Variants in APP observed in about 807,000 individuals in gnomAD.
The protein encoded by APP is amyloid beta precursor protein.
APP carries 31 observed loss-of-function variants against 101.4 expected under a neutral mutation model. The observed-to-expected ratio is 0.31, with a 90% CI of 0.23 to 0.41. The LOEUF is 0.41. Among genes scored for constraint, APP ranks in the 10% least tolerant of loss-of-function variants. The pLI is 1.00. For synonymous variants in APP, 366 were observed against 364.4 expected (o/e 1.00, Z -0.05); for missense variants, 839 against 1,003.7 (o/e 0.84, Z 2.22).
Position 26,000,152 on chromosome 21 carries a change from G to GGCCCC in APP, c.891_895dup (p.Pro299ArgfsTer7). 6.2e-7 allele frequency: 1 copy of GGCCCC among 1,614,196 alleles called. No homozygotes were observed. Among genetic ancestry groups the GGCCCC allele is most frequent in the Non-Finnish European group, 8.5e-7 (1 of 1,180,038 alleles). On this transcript the variant is annotated frameshift_variant, in exon 7 of 18. Transcript: ENST00000346798. LOFTEE classifies it high-confidence loss of function. ...CCAGCGGGAGATCATTGCTCGGCAC[G>GGCCCC]GCCCCGTCTCGGCTTGTTCAGAGCA...
chr21:25,950,147 T>C (rs919933336), intron 13 of APP, among the ~76,000 whole-genome samples: 2 of 152,276 alleles, frequency 1.3e-5, no homozygotes, highest in Non-Finnish European at 2.9e-5. Context: ...GCCACATCTC[T>C]ATATGGCGGT....
intron 1 of APP, among the ~76,000 whole-genome samples, chr21:26,136,137 G>A (rs416524): frequency 0.5 from 46,259 of 93,430 alleles, 13,927 homozygotes; most frequent in African/African-American, 0.79. Context: ...TCTCAAAAAA[G>A]AAAAAAGAAA....
At chr21:26,029,365 CA>C (rs1428545640) in intron 5 of APP, among the ~76,000 whole-genome samples, 9 of 152,024 alleles carry the variant, frequency 5.9e-5, no homozygotes, top group African/African-American at 2.2e-4. Context: ...GGCAAGTAGC[CA>C]AAGGCCAGAC....
At chr21:25,924,409 T>TAAAA (rs1569061649) in intron 13 of APP, among the ~76,000 whole-genome samples, 1 of 11,988 alleles carries the variant, frequency 8.3e-5, no homozygotes, top group Non-Finnish European at 1.9e-4. Context: ...AATTTGCAAA[T>TAAAA]ACAAAAAAAA....
chr21:26,160,585 T>C (rs1315495757), intron 1 of APP, among the ~76,000 whole-genome samples: 2 of 152,146 alleles, frequency 1.3e-5, no homozygotes, highest in Non-Finnish European at 2.9e-5. Context: ...ACAGAGGTAA[T>C]AGAATTCAAT....
At chr21:26,101,387 G>A (rs577239959) in intron 2 of APP, among the ~76,000 whole-genome samples, 2 of 152,218 alleles carry the variant, frequency 1.3e-5, no homozygotes, top group Admixed American at 1.3e-4. Context: ...GTGAGCCATG[G>A]CACCCGGCCC....
intron 3 of APP, among the ~76,000 whole-genome samples, chr21:26,064,726 C>T (rs1299370679): frequency 6.6e-6 from 1 of 152,200 alleles, no homozygotes; most frequent in East Asian, 1.9e-4. Flanking sequence ...AACAAAGGGT[C>T]TCAATCCCCG....
intron 7 of APP, among the ~76,000 whole-genome samples, chr21:25,998,163 A>T (rs1203583962): frequency 1.3e-5 from 2 of 152,152 alleles, no homozygotes; most frequent in African/African-American, 2.4e-5. Flanking sequence ...TATTTCAGAA[A>T]ATGAATCCAC....
intron 13 of APP, among the ~76,000 whole-genome samples, chr21:25,918,828 T>G (rs1243075478): frequency 6.7e-6 from 1 of 149,794 alleles, no homozygotes; most frequent in Non-Finnish European, 1.5e-5. Flanking sequence ...TTGCCCAGGC[T>G]TGCTTAGGTA....
chr21:26,137,566 C>G (rs1011484177), intron 1 of APP, among the ~76,000 whole-genome samples: 3 of 152,038 alleles, frequency 2.0e-5, no homozygotes, highest in African/African-American at 7.2e-5. Flanking sequence ...GAAACAAGAC[C>G]AGAGAGCTCT....
rs186506942 is a variant in APP at position 26,094,166 on chromosome 21, T to C, written c.226-4094A>G. 1.6e-3 allele frequency among the ~76,000 whole-genome samples: 247 copies of C among 152,244 alleles called. 1 individual carries two copies. The highest frequency in any genetic ancestry group is 5.5e-3 in the African/African-American group (230 of 41,546). On this transcript the variant is annotated intron_variant, in intron 2 of 17. Coordinates refer to ENST00000346798, the MANE Select transcript of APP (RefSeq NM_000484.4). ...CACATAAAGCCCATGCATAGTTTTT[T>C]CCTACTGTCCTATTAAAATGGAAGC... is the stretch of plus-strand genomic sequence containing the variant.
chr21:26,154,346 A>G (rs886758467), intron 1 of APP, among the ~76,000 whole-genome samples: 1 of 152,186 alleles, frequency 6.6e-6, no homozygotes, highest in African/African-American at 2.4e-5. Flanking sequence ...TGGGCATCTG[A>G]CATTTCAGGG....
Position 25,954,593 on chromosome 21 carries a change from C to A in APP, c.1684G>T (p.Val562Phe). ...PAVAEEIQDEVDELLQKEQNY... is the reference protein window; with the variant it reads ...PAVAEEIQDEFDELLQKEQNY... ...ATCAAAAGAACAGCTTACTTACCAA[C>A]TTCATCCTGAATCTCCTCGGCCACT... Residue 562 changes from valine to phenylalanine, a missense_variant, in exon 13 of 18, where the codon GTT (valine) becomes TTT (phenylalanine). By Grantham distance (50) the Val-to-Phe change is conservative. Transcript: ENST00000346798. 6.2e-7 allele frequency: 1 copy of A among 1,612,780 alleles called. No homozygotes were observed. The highest frequency in any genetic ancestry group is 1.1e-5 in the South Asian group (1 of 90,976).
At chr21:26,051,951 G>A (rs568627422) in intron 4 of APP, among the ~76,000 whole-genome samples, 13 of 152,262 alleles carry the variant, frequency 8.5e-5, no homozygotes, top group African/African-American at 2.4e-4. Flanking sequence ...TGAAAACACA[G>A]AAGGAATAAA....
intron 6 of APP, among the ~76,000 whole-genome samples, chr21:26,011,368 G>T (rs765098856): frequency 1.3e-5 from 2 of 152,028 alleles, no homozygotes; most frequent in African/African-American, 4.8e-5. Context: ...GAGCCACCAC[G>T]CCTGGGCTTC....
At chr21:26,098,879 G>A (rs1300153880) in intron 2 of APP, among the ~76,000 whole-genome samples, 1 of 152,102 alleles carries the variant, frequency 6.6e-6, no homozygotes, top group Non-Finnish European at 1.5e-5. Flanking sequence ...TAATTTACAG[G>A]TCACTGAAAG....
intron 13 of APP, among the ~76,000 whole-genome samples, chr21:25,916,822 C>T (rs1326418104): frequency 1.3e-5 from 2 of 152,128 alleles, no homozygotes; most frequent in African/African-American, 4.8e-5. Flanking sequence ...TCTATAATAT[C>T]CAAGCATTTG....
chr21:26,142,051 A>T (rs933613155), intron 1 of APP, among the ~76,000 whole-genome samples: 1 of 152,206 alleles, frequency 6.6e-6, no homozygotes, highest in South Asian at 2.1e-4. Context: ...AAGATGGAAG[A>T]ATAGGAAACA....
chr21:26,101,287 C>T (rs1176944888), intron 2 of APP, among the ~76,000 whole-genome samples: 2 of 151,682 alleles, frequency 1.3e-5, no homozygotes, highest in Admixed American at 6.6e-5. Context: ...TTAGTAGAGA[C>T]GGGGTTTCAC....
Sources: allele counts gnomAD v4.1 joint callset (sites outside exome capture counted in the v4.1 genomes callset), GRCh38; gene constraint gnomAD v4.1.1; transcripts MANE v1.5; gene names NCBI Gene and HGNC (gene_info 2026-07-23, HGNC 2026-07-21).